The following TBC1D5 variants were observed in gnomAD, a reference collection of about 807,000 sequenced individuals.
TBC1D5 encodes the protein TBC1 domain family member 5.
Under a neutral mutation model 100.3 loss-of-function variants are expected in TBC1D5, and 75 were observed. That is an observed-to-expected ratio of 0.75 (90% CI 0.62 to 0.91). The LOEUF is 0.91. Among genes scored for constraint, TBC1D5 ranks in the 40% least tolerant of loss-of-function variants. TBC1D5 has a pLI of 0.00. For synonymous variants in TBC1D5, 323 were observed against 325.6 expected (o/e 0.99, Z 0.09); for missense variants, 910 against 942.4 (o/e 0.97, Z 0.45).
chr3:17,337,857 G>A (rs568796944), intron 13 of TBC1D5, among the ~76,000 whole-genome samples: 3 of 152,174 alleles, frequency 2.0e-5, no homozygotes, highest in Admixed American at 6.5e-5. Flanking sequence ...CTAATGAATA[G>A]TAAAAAGAAA....
intron 2 of TBC1D5, among the ~76,000 whole-genome samples, chr3:17,554,447 G>A (rs1315749681): frequency 6.6e-6 from 1 of 152,148 alleles, no homozygotes; most frequent in East Asian, 1.9e-4. Flanking sequence ...ATAGTGAAAT[G>A]GCAAAAGAAA....
intron 19 of TBC1D5, among the ~76,000 whole-genome samples, chr3:17,170,995 T>G (rs1428298793): frequency 6.6e-6 from 1 of 152,180 alleles, no homozygotes; most frequent in East Asian, 1.9e-4. Flanking sequence ...CATAGACTTA[T>G]CATCCCAATA....
At chr3:17,392,448 G>T (rs1478604373) in intron 8 of TBC1D5, among the ~76,000 whole-genome samples, 1 of 151,936 alleles carries the variant, frequency 6.6e-6, no homozygotes, top group Admixed American at 6.6e-5. Flanking sequence ...CACATGCCAT[G>T]GTGGTTTGCT....
intron 2 of TBC1D5, among the ~76,000 whole-genome samples, chr3:17,609,550 G>C (rs1002784826): frequency 6.6e-6 from 1 of 152,074 alleles, no homozygotes; most frequent in African/African-American, 2.4e-5. Flanking sequence ...GAACACATAG[G>C]GGTTCTCCAA....
intron 9 of TBC1D5, among the ~76,000 whole-genome samples, chr3:17,383,526 A>C (rs1484627361): frequency 6.6e-6 from 1 of 152,102 alleles, no homozygotes; most frequent in Non-Finnish European, 1.5e-5. Flanking sequence ...TTTAAAAGGT[A>C]ATAGGATACT....
chr3:17,329,304 G>GT (rs2086590350), intron 13 of TBC1D5, among the ~76,000 whole-genome samples: 2 of 152,182 alleles, frequency 1.3e-5, no homozygotes, highest in Non-Finnish European at 2.9e-5. Context: ...TAGTATGACT[G>GT]TGAGTATAAA....
At chr3:17,483,489 G>T (rs773855738) in intron 3 of TBC1D5, among the ~76,000 whole-genome samples, 1 of 152,080 alleles carries the variant, frequency 6.6e-6, no homozygotes, top group Non-Finnish European at 1.5e-5. Context: ...GCATTTAAGT[G>T]GTCAATCCAT....
chr3:17,462,871 T>C (rs1438590730), intron 3 of TBC1D5, among the ~76,000 whole-genome samples: 1 of 152,208 alleles, frequency 6.6e-6, no homozygotes, highest in East Asian at 1.9e-4. Context: ...TATCTTCTTT[T>C]ACCTTGGTCA....
chr3:17,676,216 A>C (rs2068611750), intron 1 of TBC1D5, among the ~76,000 whole-genome samples: 1 of 152,170 alleles, frequency 6.6e-6, no homozygotes, highest in Non-Finnish European at 1.5e-5. Flanking sequence ...AATCCTTCTG[A>C]CTAAATTGTA....
chr3:17,279,890 G>A (rs1218535037), intron 15 of TBC1D5, among the ~76,000 whole-genome samples: 2 of 152,222 alleles, frequency 1.3e-5, no homozygotes, highest in African/African-American at 4.8e-5. Context: ...CTTTTGAACA[G>A]ATTATGTGTC....
intron 1 of TBC1D5, among the ~76,000 whole-genome samples, chr3:17,680,825 T>C (rs1406272505): frequency 6.6e-6 from 1 of 151,380 alleles, no homozygotes; most frequent in Non-Finnish European, 1.5e-5. Flanking sequence ...CAGGGTCCCC[T>C]TTTTTGTTTG....
At chr3:17,513,006 C>G (rs1257340602) in intron 2 of TBC1D5, among the ~76,000 whole-genome samples, 4 of 152,022 alleles carry the variant, frequency 2.6e-5, no homozygotes, top group African/African-American at 9.7e-5. Flanking sequence ...TTAAACTACA[C>G]TTAAAAAATC....
chr3:17,474,335 T>C (rs1235843071), intron 3 of TBC1D5, among the ~76,000 whole-genome samples: 1 of 152,190 alleles, frequency 6.6e-6, no homozygotes, highest in Non-Finnish European at 1.5e-5. Flanking sequence ...AAGCTGAGTT[T>C]ATGTTTGTCC....
chr3:17,604,249 T>G (rs998709806), intron 2 of TBC1D5, among the ~76,000 whole-genome samples: 2 of 152,154 alleles, frequency 1.3e-5, no homozygotes, highest in Middle Eastern at 3.2e-3. Context: ...CAGGAGCCAC[T>G]GTGCCTTTAA....
chr3:17,694,234 C>A lies in TBC1D5; in HGVS notation c.-101+45109G>T, dbSNP rs1410410886. Reference sequence around the variant, plus strand: ...TTGCCAGCAATGGAATAAAGCTGTACAGAGAACGACTTTGACAAGTTGACA... The same window carrying A: ...TTGCCAGCAATGGAATAAAGCTGTAAAGAGAACGACTTTGACAAGTTGACA... On this transcript the variant is annotated intron_variant, in intron 1 of 21. Transcript: ENST00000253692. 2.6e-5 allele frequency among the ~76,000 whole-genome samples: 4 copies of A among 152,172 alleles called. No individual in the cohort carries two copies. The South Asian group carries it at 8.3e-4, about 32-fold the overall frequency.
chr3:17,387,825 A>C (rs893278996), intron 8 of TBC1D5, among the ~76,000 whole-genome samples: 16 of 151,430 alleles, frequency 1.1e-4, no homozygotes, highest in Non-Finnish European at 1.3e-4. Context: ...AAAATCAACA[A>C]TGATGTTACA....
chr3:17,483,196 T>C (rs1426941406), intron 3 of TBC1D5, among the ~76,000 whole-genome samples: 1 of 152,166 alleles, frequency 6.6e-6, no homozygotes, highest in Non-Finnish European at 1.5e-5. Context: ...AACTTTAATA[T>C]AACAGCCATC....
chr3:17,701,055 C>A (rs1272355872), intron 1 of TBC1D5, among the ~76,000 whole-genome samples: 1 of 152,070 alleles, frequency 6.6e-6, no homozygotes, highest in Non-Finnish European at 1.5e-5. Flanking sequence ...GCACTATTCA[C>A]AATAGCAAAG....
intron 1 of TBC1D5, among the ~76,000 whole-genome samples, chr3:17,681,408 T>C (rs888615300): frequency 6.6e-6 from 1 of 151,606 alleles, no homozygotes; most frequent in African/African-American, 2.4e-5. Flanking sequence ...AATTGTGCAA[T>C]GTAACTATGA....
Sources: allele counts gnomAD v4.1 joint callset (sites outside exome capture counted in the v4.1 genomes callset), GRCh38; gene constraint gnomAD v4.1.1; transcripts MANE v1.5; gene names NCBI Gene and HGNC (gene_info 2026-07-23, HGNC 2026-07-21).